ICAM2: variants seen among roughly 807,000 people sequenced by gnomAD.
ICAM2 encodes intercellular adhesion molecule 2.
In ICAM2, 14 loss-of-function variants were observed where a neutral mutation model predicts 19.1. That is an observed-to-expected ratio of 0.73 (90% CI 0.48 to 1.15). The LOEUF is 1.15. Among genes scored for constraint, ICAM2 ranks in the 50% most tolerant of loss-of-function variants. The probability of loss-of-function intolerance (pLI) is 0.00; values close to 1 mark genes in which losing one functional copy is unlikely to be tolerated. For missense variants in ICAM2, 311 were observed against 355.4 expected (o/e 0.88, Z 1.00); for synonymous variants, 153 against 152.7 (o/e 1.00, Z -0.01).
chr17:64,016,938 C>A (rs967211264), intron 1 of ICAM2, among the ~76,000 whole-genome samples: 2 of 152,154 alleles, frequency 1.3e-5, no homozygotes, highest in African/African-American at 2.4e-5. Context: ...CATTCAACAC[C>A]CTTTTATGAT....
intron 1 of ICAM2, among the ~76,000 whole-genome samples, chr17:64,014,729 GAAAGAAA>G (rs1911647912): frequency 5.9e-5 from 1 of 17,056 alleles, no homozygotes. Context: ...AAGGAAGAAA[GAAAGAAA>G]GAAAGAAAGA....
At chr17:64,015,813 G>T (rs1313606623) in intron 1 of ICAM2, among the ~76,000 whole-genome samples, 1 of 152,004 alleles carries the variant, frequency 6.6e-6, no homozygotes, top group Non-Finnish European at 1.5e-5. Flanking sequence ...AAAATACCAG[G>T]TCTAGATGGT....
chr17:64,014,603 G>A (rs1301127995), intron 1 of ICAM2, among the ~76,000 whole-genome samples: 1 of 72,482 alleles, frequency 1.4e-5, no homozygotes, highest in Non-Finnish European at 3.7e-5. Context: ...AAGAAAGAAA[G>A]GGAGGGAGGG....
chr17:64,011,781 A>G (rs1432892308), intron 1 of ICAM2, among the ~76,000 whole-genome samples: 1 of 152,162 alleles, frequency 6.6e-6, no homozygotes, highest in East Asian at 1.9e-4. Context: ...TGTTGATGAG[A>G]ATGTAGAGAA....
intron 1 of ICAM2, among the ~76,000 whole-genome samples, chr17:64,017,915 A>G (rs1169601915): frequency 1.3e-5 from 2 of 152,246 alleles, no homozygotes; most frequent in Non-Finnish European, 1.5e-5. Flanking sequence ...TATAGAAATC[A>G]ATTCCATTTA....
chr17:64,014,249 G>A (rs1409534647), intron 1 of ICAM2, among the ~76,000 whole-genome samples: 1 of 150,186 alleles, frequency 6.7e-6, no homozygotes, highest in Non-Finnish European at 1.5e-5. Flanking sequence ...CAAGGCAGGA[G>A]GATTGCCCCT....
intron 3 of ICAM2, chr17:64,004,774 G>C: frequency 2.4e-6 from 1 of 422,270 alleles, no homozygotes; most frequent in Non-Finnish European, 4.4e-6. Flanking sequence ...CAGCTCCCCT[G>C]ATGGTGACCC....
intron 1 of ICAM2, among the ~76,000 whole-genome samples, chr17:64,015,869 T>C (rs1234919600): frequency 2.0e-5 from 3 of 152,124 alleles, no homozygotes; most frequent in Non-Finnish European, 2.9e-5. Context: ...AAAATTATTA[T>C]TATTATTTTT....
At chr17:64,018,709 TTCTC>T (rs1911816692) in intron 1 of ICAM2, among the ~76,000 whole-genome samples, 1 of 142,458 alleles carries the variant, frequency 7.0e-6, no homozygotes, top group Non-Finnish European at 1.5e-5. Flanking sequence ...TTGTGTTTAC[TTCTC>T]TTTTTTTTTT....
At chr17:64,019,552 A>G (rs1911858465) in intron 1 of ICAM2, among the ~76,000 whole-genome samples, 1 of 152,120 alleles carries the variant, frequency 6.6e-6, no homozygotes, top group South Asian at 2.1e-4. Context: ...GTGGTGGCTC[A>G]CGCCTGTAAT....
intron 1 of ICAM2, among the ~76,000 whole-genome samples, chr17:64,014,380 G>GAAAGAAAGA (rs375928178): frequency 1.1e-3 from 17 of 15,596 alleles, no homozygotes; most frequent in African/African-American, 3.0e-3. Context: ...AGAAAGAAAG[G>GAAAGAAAGA]AAGGAAGGAA....
At chr17:64,011,448 C>T (rs145794889) in intron 1 of ICAM2, among the ~76,000 whole-genome samples, 94 of 152,002 alleles carry the variant, frequency 6.2e-4, no homozygotes, top group Non-Finnish European at 1.2e-3. Context: ...GGTGACAGAG[C>T]GAGACTCCAT....
chr17:64,015,530 A>G (rs1210926710), intron 1 of ICAM2, among the ~76,000 whole-genome samples: 1 of 152,190 alleles, frequency 6.6e-6, no homozygotes, highest in Non-Finnish European at 1.5e-5. Flanking sequence ...CCTTAAGCCC[A>G]AGAGTTTGAG....
rs59099259 is a variant in ICAM2, at chr17:64,012,828, G to T, written c.-44-6093C>A. 1.5e-3 allele frequency among the ~76,000 whole-genome samples: 221 copies of T among 152,224 alleles called. 1 individual carries two copies. Among genetic ancestry groups the T allele is most frequent in the African/African-American group, 5.2e-3 (216 of 41,532 alleles). ...GGGACTTGAGCATCCTCAAATTTTG[G>T]TATCTGTTGGGAGGGTTCTGAAACC... On this transcript the variant is annotated intron_variant, in intron 1 of 4. Coordinates refer to ENST00000579788, the MANE Select transcript of ICAM2 (RefSeq NM_001099789.2).
At chr17:64,004,727 C>T (rs925596874) in intron 3 of ICAM2, 13 of 331,130 alleles carry the variant, frequency 3.9e-5, no homozygotes, top group East Asian at 1.4e-4. Context: ...AAACCCTGGG[C>T]GACACTTCAA....
chr17:64,009,457 T>C (rs1047673656), intron 1 of ICAM2, among the ~76,000 whole-genome samples: 1 of 152,164 alleles, frequency 6.6e-6, no homozygotes, highest in Non-Finnish European at 1.5e-5. Context: ...ACAAAGGTTT[T>C]CTTTTTTTGA....
At chr17:64,011,035 T>G (rs1465027704) in intron 1 of ICAM2, among the ~76,000 whole-genome samples, 1 of 152,100 alleles carries the variant, frequency 6.6e-6, no homozygotes, top group African/African-American at 2.4e-5. Context: ...AAACACAATT[T>G]TAAAATGGGC....
At chr17:64,018,816 G>T (rs1300541904) in intron 1 of ICAM2, among the ~76,000 whole-genome samples, 7 of 149,084 alleles carry the variant, frequency 4.7e-5, no homozygotes, top group Non-Finnish European at 8.9e-5. Context: ...CCACCTCCCG[G>T]GTTCGAGCTA....
rs763976558 is a variant in ICAM2 at position 64,003,714 on chromosome 17, C to T, written c.579G>A (p.Val193=). 6.8e-6 allele frequency: 11 copies of T among 1,614,114 alleles called. No individual in the cohort carries two copies. The South Asian group carries it at 1.2e-4, about 18-fold the overall frequency. The stretch of plus-strand genomic sequence containing the variant: ...TGCCACCGCGAGACATCAAGTCCAG[C>T]ACAGCCAGGCAGGAGAAGTTGCGGT... The part of the protein sequence containing the change: ...DGHRNFSCLA[V]LDLMSRGGNI... Residue 193 remains valine, a synonymous_variant, in exon 4 of 5, where the codon GTG becomes GTA. Coordinates refer to ENST00000579788, the MANE Select transcript of ICAM2 (RefSeq NM_001099789.2).
Sources: allele counts gnomAD v4.1 joint callset (sites outside exome capture counted in the v4.1 genomes callset), GRCh38; gene constraint gnomAD v4.1.1; transcripts MANE v1.5; gene names NCBI Gene and HGNC (gene_info 2026-07-23, HGNC 2026-07-21).